Variants in DISP1 observed in about 807,000 individuals in gnomAD.
DISP1 encodes the protein protein dispatched homolog 1.
A neutral mutation model predicts 37.3 loss-of-function variants in DISP1; 30 were observed. The ratio of observed to expected loss-of-function variants is 0.80; its 90% confidence interval spans 0.60 to 1.09. DISP1 has a LOEUF of 1.09. Among genes scored for constraint, DISP1 ranks in the 50% least tolerant of loss-of-function variants. DISP1 has a pLI of 0.00. For missense variants in DISP1, 1,598 were observed against 1,879.5 expected (o/e 0.85, Z 2.77); for synonymous variants, 634 against 690.2 (o/e 0.92, Z 1.28).
chr1:222,874,156 A>T (rs1669793081), intron 1 of DISP1, among the ~76,000 whole-genome samples: 1 of 152,192 alleles, frequency 6.6e-6, no homozygotes, highest in African/African-American at 2.4e-5. Context: ...TGTTAGTCTG[A>T]TGGGCTTCCC....
At chr1:222,825,666 A>G (rs985201942) in intron 1 of DISP1, among the ~76,000 whole-genome samples, 11 of 151,824 alleles carry the variant, frequency 7.2e-5, no homozygotes, top group Non-Finnish European at 1.3e-4. Context: ...ACACCTGGCT[A>G]ATTTTTTTGT....
chr1:222,848,767 G>A (rs1452518372), intron 1 of DISP1, among the ~76,000 whole-genome samples: 1 of 152,110 alleles, frequency 6.6e-6, no homozygotes, highest in Non-Finnish European at 1.5e-5. Flanking sequence ...TAAATAACAT[G>A]CAGGGGCTAA....
intron 8 of DISP1, among the ~76,000 whole-genome samples, chr1:222,997,928 T>A (rs1679186853): frequency 6.6e-6 from 1 of 152,180 alleles, no homozygotes; most frequent in South Asian, 2.1e-4. Context: ...AATAAATAGG[T>A]GATCAAAGCC....
intron 2 of DISP1, among the ~76,000 whole-genome samples, chr1:222,937,923 G>C (rs71644719): frequency 6.6e-6 from 1 of 151,514 alleles, no homozygotes; most frequent in Admixed American, 6.6e-5. Flanking sequence ...ACCCAGGCTG[G>C]AATGCAGTGG....
chr1:222,904,118 T>C (rs958077836), intron 1 of DISP1, among the ~76,000 whole-genome samples: 8 of 152,210 alleles, frequency 5.3e-5, no homozygotes, highest in Non-Finnish European at 1.0e-4. Flanking sequence ...AGTAAGTTAT[T>C]GGACAAAAGC....
intron 1 of DISP1, among the ~76,000 whole-genome samples, chr1:222,910,546 T>C (rs1267580171): frequency 6.6e-6 from 1 of 152,178 alleles, no homozygotes; most frequent in African/African-American, 2.4e-5. Context: ...ATAGTGAAAT[T>C]GATTGAAATA....
intron 1 of DISP1, among the ~76,000 whole-genome samples, chr1:222,858,061 AC>A (rs1213338478): frequency 1.3e-5 from 2 of 152,180 alleles, no homozygotes; most frequent in Non-Finnish European, 2.9e-5. Context: ...AGTAACCAAA[AC>A]AGCATGGCAC....
intron 1 of DISP1, among the ~76,000 whole-genome samples, chr1:222,908,034 T>G (rs1356336260): frequency 6.6e-6 from 1 of 152,198 alleles, no homozygotes; most frequent in Non-Finnish European, 1.5e-5. Flanking sequence ...ACAGAGTTTT[T>G]TTAAAAAATA....
chr1:222,973,412 T>C (rs1004990172), intron 3 of DISP1, among the ~76,000 whole-genome samples: 1 of 152,224 alleles, frequency 6.6e-6, no homozygotes, highest in African/African-American at 2.4e-5. Flanking sequence ...AGTTTTCTTT[T>C]TTCATATGAA....
At chr1:222,874,658 G>A (rs1306229021) in intron 1 of DISP1, among the ~76,000 whole-genome samples, 3 of 151,908 alleles carry the variant, frequency 2.0e-5, no homozygotes, top group Admixed American at 1.3e-4. Context: ...TTATCCATTC[G>A]TCTAATTTTT....
rs189869316 is a variant in DISP1 at position 222,871,106 on chromosome 1, C to T, written c.-159+56028C>T. 4.3e-3 allele frequency among the ~76,000 whole-genome samples: 660 copies of T among 151,830 alleles called. 13 individuals carry two copies. Among genetic ancestry groups the T allele is most frequent in the Admixed American group, 0.018 (275 of 15,206 alleles). On this transcript the variant is annotated intron_variant, in intron 1 of 8. Transcript: ENST00000675850. ...GTCAAAGATCAGATAGTTGTAGATA[C>T]GCGGCATTATTTCTAAGGGCTCTGT...
chr1:222,845,321 G>C (rs142383072), intron 1 of DISP1, among the ~76,000 whole-genome samples: 1 of 152,264 alleles, frequency 6.6e-6, no homozygotes, highest in Non-Finnish European at 1.5e-5. Flanking sequence ...GTGAAAAAAA[G>C]AAGTGGAAGA....
At chr1:222,937,158 C>A (rs946249615) in intron 2 of DISP1, among the ~76,000 whole-genome samples, 1 of 148,146 alleles carries the variant, frequency 6.8e-6, no homozygotes, top group Non-Finnish European at 1.5e-5. Flanking sequence ...GGCGTGATCT[C>A]GGCTCACTGC....
At chr1:222,840,846 G>A (rs1485448929) in intron 1 of DISP1, among the ~76,000 whole-genome samples, 41 of 152,044 alleles carry the variant, frequency 2.7e-4, no homozygotes, top group Admixed American at 2.7e-3. Flanking sequence ...ACAGGTGTGA[G>A]CCACTGCGCC....
At chr1:222,861,782 A>G (rs976588336) in intron 1 of DISP1, among the ~76,000 whole-genome samples, 1 of 152,236 alleles carries the variant, frequency 6.6e-6, no homozygotes, top group African/African-American at 2.4e-5. Flanking sequence ...TGAATTCTCT[A>G]GTAATGTTAT....
At chr1:222,860,564 G>T (rs984836176) in intron 1 of DISP1, among the ~76,000 whole-genome samples, 2 of 152,074 alleles carry the variant, frequency 1.3e-5, no homozygotes, top group African/African-American at 4.8e-5. Context: ...GCAGTTACGG[G>T]CATGTTAGAG....
chr1:222,929,055 T>TACC (rs1673239421), intron 2 of DISP1, among the ~76,000 whole-genome samples: 1 of 152,206 alleles, frequency 6.6e-6, no homozygotes, highest in African/African-American at 2.4e-5. Flanking sequence ...TTCCCTCCTA[T>TACC]AAAGAGAGTA....
intron 1 of DISP1, among the ~76,000 whole-genome samples, chr1:222,833,091 G>A (rs961141665): frequency 5.9e-5 from 9 of 152,000 alleles, no homozygotes; most frequent in Admixed American, 3.3e-4. Flanking sequence ...CGAACACAAG[G>A]TAGATGTTTA....
At chr1:222,867,657 C>T (rs185161140) in intron 1 of DISP1, among the ~76,000 whole-genome samples, 81 of 152,228 alleles carry the variant, frequency 5.3e-4, no homozygotes, top group Non-Finnish European at 9.6e-4. Flanking sequence ...AATGGACCTC[C>T]AGTTAACTAA....
Sources: allele counts gnomAD v4.1 joint callset (sites outside exome capture counted in the v4.1 genomes callset), GRCh38; gene constraint gnomAD v4.1.1; transcripts MANE v1.5; gene names NCBI Gene and HGNC (gene_info 2026-07-23, HGNC 2026-07-21).